The following GADL1 variants were observed in gnomAD, a reference collection of about 807,000 sequenced individuals.
The protein encoded by GADL1 is acidic amino acid decarboxylase GADL1.
A neutral mutation model predicts 69.5 loss-of-function variants in GADL1; 71 were observed. The observed-to-expected ratio is 1.02, with a 90% CI of 0.84 to 1.25. The LOEUF (loss-of-function observed/expected upper bound fraction) is 1.25. Among genes scored for constraint, GADL1 ranks in the 50% most tolerant of loss-of-function variants. The pLI is 0.00. For synonymous variants in GADL1, 254 were observed against 214.4 expected (o/e 1.18, Z -1.62); for missense variants, 737 against 631.8 (o/e 1.17, Z -1.79).
At chr3:30,815,501 G>A (rs973658083) in intron 11 of GADL1, among the ~76,000 whole-genome samples, 2 of 152,182 alleles carry the variant, frequency 1.3e-5, no homozygotes, top group Non-Finnish European at 2.9e-5. Context: ...GAACAACCAT[G>A]ACTGCAAATC....
At chr3:30,777,852 C>A (rs1254243472) in intron 14 of GADL1, among the ~76,000 whole-genome samples, 1 of 151,618 alleles carries the variant, frequency 6.6e-6, no homozygotes, top group African/African-American at 2.4e-5. Flanking sequence ...GTCAGAGATG[C>A]AGTAGCAGAG....
intron 14 of GADL1, among the ~76,000 whole-genome samples, chr3:30,769,715 C>T (rs79277591): frequency 2.2e-3 from 341 of 152,276 alleles, no homozygotes; most frequent in African/African-American, 7.3e-3. Context: ...AACTGTGTTG[C>T]CACATTTGCC....
At chr3:30,769,421 G>C (rs758164633) in intron 14 of GADL1, among the ~76,000 whole-genome samples, 1 of 152,046 alleles carries the variant, frequency 6.6e-6, no homozygotes, top group African/African-American at 2.4e-5. Context: ...CTTAGGTTAC[G>C]CAAAGAGGGA....
At chr3:30,737,924 G>A (rs769262347) in intron 14 of GADL1, among the ~76,000 whole-genome samples, 6 of 152,008 alleles carry the variant, frequency 3.9e-5, no homozygotes, top group Admixed American at 3.9e-4. Flanking sequence ...TTCACATTTG[G>A]TGTTTACAAC....
chr3:30,759,425 C>A (rs1264666782), intron 14 of GADL1, among the ~76,000 whole-genome samples: 1 of 152,132 alleles, frequency 6.6e-6, no homozygotes, highest in Non-Finnish European at 1.5e-5. Context: ...TACAGTAACT[C>A]TTAGAAACAT....
chr3:30,751,578 C>G (rs901959861), intron 14 of GADL1, among the ~76,000 whole-genome samples: 3 of 151,442 alleles, frequency 2.0e-5, no homozygotes, highest in African/African-American at 7.3e-5. Context: ...AAAAGGCTTT[C>G]TAGAACTTGA....
chr3:30,871,079 G>GTGTGTGTGTGTGTC lies in GADL1; in HGVS notation c.38-9315_38-9314insGACACACACACACA, dbSNP rs1010205282. On this transcript the variant is annotated intron_variant, in intron 1 of 14. Transcript: ENST00000282538. Reference sequence around the variant, plus strand: ...TGTGTGTGTGTGTGTGTGTGTGTGTGTCCAAGAAACTCAAGTACTTCTGTT... The same window carrying GTGTGTGTGTGTGTC: ...TGTGTGTGTGTGTGTGTGTGTGTGTGTGTGTGTGTGTGTCTCCAAGAAACTCAAGTACTTCTGTT... Among the ~76,000 whole-genome samples, 12 of 149,690 alleles carry GTGTGTGTGTGTGTC rather than the reference G, an allele frequency of 8.0e-5. No individual in the cohort carries two copies. The East Asian group carries it at 1.2e-3, about 15-fold the overall frequency.
chr3:30,753,081 T>C (rs1397377127), intron 14 of GADL1, among the ~76,000 whole-genome samples: 1 of 152,180 alleles, frequency 6.6e-6, no homozygotes, highest in African/African-American at 2.4e-5. Flanking sequence ...ATGCTGTCAC[T>C]GCCAATAAAT....
At chr3:30,780,527 C>T (rs982545055) in intron 13 of GADL1, among the ~76,000 whole-genome samples, 1 of 152,206 alleles carries the variant, frequency 6.6e-6, no homozygotes, top group Non-Finnish European at 1.5e-5. Context: ...TGATATTACA[C>T]TTTCCCACTT....
rs150728469 is a variant in GADL1, at chr3:30,869,165, A to C, written c.38-7400T>G. ...GCAAAGAAAAATTGAGATTTAAAAAAACTGAAGATATATTTTCTCTTCTGG... is the reference window on the plus strand; with the variant it reads ...GCAAAGAAAAATTGAGATTTAAAAACACTGAAGATATATTTTCTCTTCTGG... On this transcript the variant is annotated intron_variant, in intron 1 of 14. Coordinates refer to ENST00000282538, the MANE Select transcript of GADL1 (RefSeq NM_207359.3). Among the ~76,000 whole-genome samples, 5 of 151,964 alleles carry C rather than the reference A, an allele frequency of 3.3e-5. No homozygotes were observed. In the East Asian group the frequency reaches 9.7e-4, roughly 30 times the overall value.
At chr3:30,826,341 T>C (rs548724336) in intron 11 of GADL1, among the ~76,000 whole-genome samples, 1 of 152,042 alleles carries the variant, frequency 6.6e-6, no homozygotes, top group East Asian at 1.9e-4. Context: ...TGAAGTCCTC[T>C]GTGATGACTG....
chr3:30,750,805 A>G (rs902716748), intron 14 of GADL1, among the ~76,000 whole-genome samples: 3 of 151,418 alleles, frequency 2.0e-5, no homozygotes, highest in African/African-American at 7.4e-5. Flanking sequence ...CAGCTTGACT[A>G]AAAAGTTGCT....
chr3:30,832,221 C>T (rs1401956602), intron 11 of GADL1, among the ~76,000 whole-genome samples: 15 of 151,296 alleles, frequency 9.9e-5, no homozygotes. Flanking sequence ...AAAAAATTGG[C>T]AACTTTTTGA....
intron 14 of GADL1, among the ~76,000 whole-genome samples, chr3:30,756,511 A>G (rs1194123612): frequency 1.3e-5 from 2 of 152,170 alleles, no homozygotes; most frequent in African/African-American, 4.8e-5. Flanking sequence ...GGTGAAGTCT[A>G]TTCCTCATCT....
intron 13 of GADL1, chr3:30,778,928 C>T (rs984585457): frequency 6.6e-6 from 1 of 152,134 alleles, no homozygotes; most frequent in Non-Finnish European, 1.5e-5. Context: ...TAAGTCCATC[C>T]TAGAAAAGGC....
At chr3:30,842,483 T>C (rs1697984292) in intron 8 of GADL1, among the ~76,000 whole-genome samples, 1 of 152,036 alleles carries the variant, frequency 6.6e-6, no homozygotes, top group African/African-American at 2.4e-5. Context: ...GTTTTGGTTT[T>C]TTAGGAAACA....
At chr3:30,762,704 ATTC>A (rs1349377104) in intron 14 of GADL1, among the ~76,000 whole-genome samples, 5 of 152,136 alleles carry the variant, frequency 3.3e-5, no homozygotes, top group African/African-American at 4.8e-5. Context: ...GGTCTCCTTC[ATTC>A]TTTTTATTTT....
chr3:30,828,185 G>A (rs965825491), intron 11 of GADL1, among the ~76,000 whole-genome samples: 4 of 151,816 alleles, frequency 2.6e-5, no homozygotes, highest in Admixed American at 6.6e-5. Flanking sequence ...AAAGAAAAAT[G>A]TACTTTCTTT....
At chr3:30,761,376 C>CT (rs969761571) in intron 14 of GADL1, among the ~76,000 whole-genome samples, 9 of 152,090 alleles carry the variant, frequency 5.9e-5, no homozygotes, top group Admixed American at 2.0e-4. Context: ...ATATGTGGGA[C>CT]TTATTGACAA....
Sources: allele counts gnomAD v4.1 joint callset (sites outside exome capture counted in the v4.1 genomes callset), GRCh38; gene constraint gnomAD v4.1.1; transcripts MANE v1.5; gene names NCBI Gene and HGNC (gene_info 2026-07-23, HGNC 2026-07-21).